PMEPA1: variants seen among roughly 807,000 people sequenced by gnomAD.
PMEPA1 encodes protein TMEPAI.
A neutral mutation model predicts 23.0 loss-of-function variants in PMEPA1; 11 were observed. The observed-to-expected ratio is 0.48, with a 90% CI of 0.30 to 0.79. The LOEUF (loss-of-function observed/expected upper bound fraction) is 0.79. Ranked by LOEUF, PMEPA1 falls within the 30% of genes least tolerant of loss-of-function variation. The pLI is 0.06. For missense variants in PMEPA1, 377 were observed against 390.9 expected (o/e 0.96, Z 0.30); for synonymous variants, 204 against 166.4 (o/e 1.23, Z -1.74).
intron 1 of PMEPA1, among the ~76,000 whole-genome samples, chr20:57,667,985 G>A (rs537897615): frequency 6.6e-6 from 1 of 152,280 alleles, no homozygotes; most frequent in Non-Finnish European, 1.5e-5. Context: ...ACCTTTTATG[G>A]GTAAAAAAAT....
intron 1 of PMEPA1, among the ~76,000 whole-genome samples, chr20:57,664,504 G>A (rs375992188): frequency 3.0e-4 from 46 of 152,152 alleles, no homozygotes; most frequent in African/African-American, 1.0e-3. Context: ...TGTGTATGAA[G>A]CGGCACCAAT....
Position 57,694,598 on chromosome 20 carries a change from G to T in PMEPA1, c.109+14876C>A, listed in dbSNP as rs118152887. 5.3e-4 allele frequency among the ~76,000 whole-genome samples: 81 copies of T among 152,318 alleles called. No homozygotes were observed. The East Asian group carries it at 0.014, about 26-fold the overall frequency. On this transcript the variant is annotated intron_variant, in intron 1 of 3. Transcript: ENST00000341744. ...GTGCAGTGGGCTGGACATCCAGTGG[G>T]GCCAATTACGAGTCATGCACCCTTG...
At chr20:57,688,732 T>C (rs902460584) in intron 1 of PMEPA1, among the ~76,000 whole-genome samples, 2 of 152,218 alleles carry the variant, frequency 1.3e-5, no homozygotes, top group Non-Finnish European at 2.9e-5. Context: ...AGGCCTTGGA[T>C]AGGCAAACAC....
chr20:57,665,713 C>T lies in PMEPA1; in HGVS notation c.110-6016G>A, dbSNP rs181880015. Among the ~76,000 whole-genome samples, 13 of 152,276 alleles carry T rather than the reference C, an allele frequency of 8.5e-5. No individual in the cohort carries two copies. In the East Asian group the frequency reaches 2.5e-3, roughly 29 times the overall value. ...GGCTGCAGAGTACAAGCCTGCTTAG[C>T]CAGGTGTTCCCTGACTGGCTTCTGT... On this transcript the variant is annotated intron_variant, in intron 1 of 3. Coordinates refer to ENST00000341744, the MANE Select transcript of PMEPA1 (RefSeq NM_020182.5).
At chr20:57,671,835 T>C (rs939342698) in intron 1 of PMEPA1, among the ~76,000 whole-genome samples, 6 of 152,216 alleles carry the variant, frequency 3.9e-5, no homozygotes, top group East Asian at 1.9e-4. Context: ...TCAATCCCCA[T>C]TGCGACACTC....
chr20:57,659,187 G>C (rs1426366922), intron 2 of PMEPA1, among the ~76,000 whole-genome samples: 1 of 152,084 alleles, frequency 6.6e-6, no homozygotes, highest in Non-Finnish European at 1.5e-5. Flanking sequence ...TCTCCCTCCT[G>C]GAACGTCAGC....
intron 1 of PMEPA1, among the ~76,000 whole-genome samples, chr20:57,708,520 AC>A (rs1182643473): frequency 6.6e-6 from 1 of 151,778 alleles, no homozygotes; most frequent in African/African-American, 2.4e-5. Flanking sequence ...AAGGTTCAAA[AC>A]CCCACTCCCC....
chr20:57,694,534 C>A (rs866800045), intron 1 of PMEPA1, among the ~76,000 whole-genome samples: 8 of 152,202 alleles, frequency 5.3e-5, no homozygotes, highest in Middle Eastern at 3.2e-3. Context: ...TTATAGATTT[C>A]TTGGAACTGA....
In PMEPA1 at chr20:57,651,320, G is replaced by T. The variant is rs2146630871; in HGVS notation, c.*733C>A. 1 of 152,640 alleles carries T rather than the reference G, an allele frequency of 6.6e-6. No homozygotes were observed. The highest frequency in any genetic ancestry group is 1.9e-4 in the East Asian group (1 of 5,206). 9.5% of individuals were successfully genotyped at this position (152,640 alleles called of 1,614,324 possible). A position where few individuals can be genotyped will look rare whatever the true frequency, so the allele number is the denominator to read the frequency against. On this transcript the variant is annotated 3_prime_UTR_variant, in exon 4 of 4. Transcript: ENST00000341744. Reference sequence around the variant, plus strand: ...AAGGCCTCTCTGCAGACTCCACGGGGGCTCACCCTCTGCCGTCAGGCGACT... The same window carrying T: ...AAGGCCTCTCTGCAGACTCCACGGGTGCTCACCCTCTGCCGTCAGGCGACT...
chr20:57,654,227 C>G (rs1156484938), intron 2 of PMEPA1, among the ~76,000 whole-genome samples: 1 of 152,186 alleles, frequency 6.6e-6, no homozygotes, highest in African/African-American at 2.4e-5. Context: ...ACTTTTATAG[C>G]TTCATTGAAA....
intron 1 of PMEPA1, among the ~76,000 whole-genome samples, chr20:57,669,717 C>T (rs1016999334): frequency 6.6e-6 from 1 of 152,182 alleles, no homozygotes; most frequent in African/African-American, 2.4e-5. Context: ...TGACTGTCCA[C>T]GTCTGCACAG....
upstream of PMEPA1, chr20:57,710,067 G>A (rs2072152141): frequency 2.0e-6 from 2 of 992,260 alleles, no homozygotes; most frequent in Non-Finnish European, 2.4e-6. Flanking sequence ...CCGGGGAGGG[G>A]GCGCGCGCTG....
rs2071555655 is a variant in PMEPA1, at chr20:57,670,686, C to T, written c.110-10989G>A. Among the ~76,000 whole-genome samples the T allele has an allele frequency of 1.3e-5, 2 of 152,212 alleles. 1 individual carries two copies. Among genetic ancestry groups the T allele is most frequent in the South Asian group, 4.1e-4 (2 of 4,832 alleles). ...ACTCCGCGTTGTATTCCGTCCCCAG[C>T]CAGCACAGACCCAAGGGATTTCAGA... is the stretch of plus-strand genomic sequence containing the variant. On this transcript the variant is annotated intron_variant, in intron 1 of 3. Coordinates refer to ENST00000341744, the MANE Select transcript of PMEPA1 (RefSeq NM_020182.5).
At chr20:57,710,542 TTTC>T (rs2072165163), upstream of PMEPA1, 2 of 1,480,824 alleles carry the variant, frequency 1.4e-6, no homozygotes, top group Non-Finnish European at 1.8e-6. Flanking sequence ...CCCCAAGCGC[TTTC>T]ACCCGAACCC....
rs1379246054 is a variant in PMEPA1, at chr20:57,665,204, G to T, written c.110-5507C>A. 2.0e-5 allele frequency among the ~76,000 whole-genome samples: 3 copies of T among 152,134 alleles called. No individual in the cohort carries two copies. In the East Asian group the frequency reaches 5.8e-4, roughly 29 times the overall value. On this transcript the variant is annotated intron_variant, in intron 1 of 3. Coordinates refer to ENST00000341744, the MANE Select transcript of PMEPA1 (RefSeq NM_020182.5). ...ACTGAGCTGAGCCTCCCCAATTTAG[G>T]TAACATCACCATGCCCATTTTGCAG... is the stretch of plus-strand genomic sequence containing the variant.
chr20:57,659,569 G>A lies in PMEPA1; in HGVS notation c.238C>T (p.Arg80Trp), dbSNP rs760977982. ...RSFISRHSQGRRREDALSSEG... is the reference protein window; with the variant it reads ...RSFISRHSQGWRREDALSSEG... ...GAGGACAGGGCATCTTCTCTCCTCC[G>A]CCCCTGGCTGTGCCGGCTGATGAAG... The change falls in exon 2 of 4, where the codon CGG (arginine) becomes TGG (tryptophan). Residue 80 changes from arginine (R) to tryptophan (W), a missense_variant. Around this residue, in one of 3 missense-constraint regions of PMEPA1, gnomAD observed 198 missense variants for 196.3 expected, o/e 1.01. Transcript: ENST00000341744. 10 of 1,613,880 alleles carry A rather than the reference G, an allele frequency of 6.2e-6. No homozygotes were observed. Among genetic ancestry groups the A allele is most frequent in the Middle Eastern group, 1.7e-4 (1 of 6,060 alleles).
intron 1 of PMEPA1, among the ~76,000 whole-genome samples, chr20:57,701,892 C>G (rs1295595391): frequency 6.6e-6 from 1 of 152,180 alleles, no homozygotes; most frequent in African/African-American, 2.4e-5. Context: ...ACAACAACCC[C>G]TCGGTGCTTG....
At chr20:57,664,460 G>T (rs940025790) in intron 1 of PMEPA1, among the ~76,000 whole-genome samples, 6 of 152,234 alleles carry the variant, frequency 3.9e-5, no homozygotes, top group African/African-American at 1.4e-4. Context: ...GTGCCTCCCC[G>T]CAAAGGCCTT....
At chr20:57,701,472 CTG>C (rs1427789354) in intron 1 of PMEPA1, among the ~76,000 whole-genome samples, 19 of 152,340 alleles carry the variant, frequency 1.2e-4, no homozygotes, top group African/African-American at 4.3e-4. Context: ...AAAGCCATCA[CTG>C]TGAAACCTTG....
Sources: gnomAD v4.1 joint callset for allele counts (sites outside exome capture counted in the v4.1 genomes callset) on GRCh38, gnomAD v4.1.1 for gene constraint, gnomAD v4.1.1 regional missense constraint, MANE v1.5 for transcripts, NCBI Gene and HGNC (gene_info 2026-07-23, HGNC 2026-07-21) for gene names.